Variants in PDE11A observed in about 807,000 individuals in gnomAD.
PDE11A encodes dual 3',5'-cyclic-AMP and -GMP phosphodiesterase 11A.
In PDE11A, 100 loss-of-function variants were observed where a neutral mutation model predicts 100.5. That is an observed-to-expected ratio of 1.00 (90% CI 0.85 to 1.18). The LOEUF is 1.18. Among genes scored for constraint, PDE11A ranks in the 50% most tolerant of loss-of-function variants. The pLI, the probability that PDE11A is intolerant of heterozygous loss-of-function variation, is 0.00. For synonymous variants in PDE11A, 381 were observed against 420.8 expected (o/e 0.91, Z 1.16); for missense variants, 1,141 against 1,152.6 (o/e 0.99, Z 0.15).
chr2:177,671,912 A>G (rs12994392), intron 17 of PDE11A, among the ~76,000 whole-genome samples: 87,659 of 151,730 alleles, frequency 0.58, 29,672 homozygotes, highest in Non-Finnish European at 0.72. Flanking sequence ...AGTCCTTGAC[A>G]TGCGTTTCAC....
chr2:177,941,453 C>G (rs1233762103), intron 2 of PDE11A, among the ~76,000 whole-genome samples: 1 of 152,062 alleles, frequency 6.6e-6, no homozygotes, highest in Non-Finnish European at 1.5e-5. Flanking sequence ...TGGATTGATT[C>G]AGGTGTAGAG....
At chr2:177,793,750 C>G (rs1294109244) in intron 9 of PDE11A, among the ~76,000 whole-genome samples, 3 of 152,056 alleles carry the variant, frequency 2.0e-5, no homozygotes, top group African/African-American at 2.4e-5. Flanking sequence ...GTACCTGGCT[C>G]CATCGCTCAC....
rs112022028 is a variant in PDE11A, at chr2:177,817,476, C to T, written c.1644+382G>A. On this transcript the variant is annotated intron_variant, in intron 8 of 19. Coordinates refer to ENST00000286063, the MANE Select transcript of PDE11A (RefSeq NM_016953.4). ...TCAAGGCTAGCTTCTCCAGCTAGAG[C>T]GCCTGGAGTGAATGCACGGAAGCGT... Among the ~76,000 whole-genome samples, 1,363 of 152,232 alleles carry T rather than the reference C, an allele frequency of 9.0e-3. 14 individuals carry two copies. Among genetic ancestry groups the T allele is most frequent in the East Asian group, 0.059 (305 of 5,178 alleles).
At chr2:178,093,986 A>G (rs1452009878) in intron 2 of PDE11A, among the ~76,000 whole-genome samples, 3 of 152,208 alleles carry the variant, frequency 2.0e-5, no homozygotes, top group Non-Finnish European at 4.4e-5. Flanking sequence ...ACGCTCAGGT[A>G]TATGTTATCG....
intron 7 of PDE11A, among the ~76,000 whole-genome samples, chr2:177,819,868 T>TCTCTCTCTCTCTCTC (rs60332687): frequency 7.9e-5 from 11 of 139,164 alleles, no homozygotes; most frequent in African/African-American, 2.5e-4. Flanking sequence ...CTTTCTCTCT[T>TCTCTCTCTCTCTCTC]TCTCTCTCTC....
chr2:177,769,464 T>C (rs2082282140), intron 9 of PDE11A, 91 bp from the exon 10 acceptor site: 1 of 741,810 alleles, frequency 1.3e-6, no homozygotes, highest in Non-Finnish European at 2.4e-6. Flanking sequence ...TTTGCTTATG[T>C]ATATCACCTT....
intron 12 of PDE11A, among the ~76,000 whole-genome samples, chr2:177,717,230 C>T (rs2081451945): frequency 6.6e-6 from 1 of 152,106 alleles, no homozygotes; most frequent in Non-Finnish European, 1.5e-5. Flanking sequence ...TTTAAAGCTG[C>T]CTGGTAAATG....
intron 4 of PDE11A, among the ~76,000 whole-genome samples, chr2:177,891,294 C>A (rs1405299780): frequency 6.6e-6 from 1 of 152,168 alleles, no homozygotes; most frequent in Non-Finnish European, 1.5e-5. Flanking sequence ...CAGAGCAAGA[C>A]TCCATCTCCA....
intron 1 of PDE11A, among the ~76,000 whole-genome samples, chr2:178,036,813 A>G (rs528422495): frequency 6.6e-6 from 1 of 152,330 alleles, no homozygotes; most frequent in East Asian, 1.9e-4. Flanking sequence ...AAAACTGGCT[A>G]GCCATATGCA....
intron 4 of PDE11A, among the ~76,000 whole-genome samples, chr2:177,889,041 T>C (rs1014901339): frequency 1.3e-5 from 2 of 152,212 alleles, no homozygotes; most frequent in African/African-American, 4.8e-5. Flanking sequence ...ATCACCTGCT[T>C]GGCTAGATTT....
At chr2:178,065,187 T>C (rs2087027773) in intron 1 of PDE11A, among the ~76,000 whole-genome samples, 1 of 152,192 alleles carries the variant, frequency 6.6e-6, no homozygotes, top group Non-Finnish European at 1.5e-5. Context: ...AATGTGGTTA[T>C]ATGGCAAAAT....
At chr2:178,069,223 G>C (rs2087091814) in intron 1 of PDE11A, among the ~76,000 whole-genome samples, 2 of 152,072 alleles carry the variant, frequency 1.3e-5, no homozygotes, top group African/African-American at 4.8e-5. Flanking sequence ...AATAATCTTT[G>C]CTAGGTAGGT....
intron 2 of PDE11A, among the ~76,000 whole-genome samples, chr2:177,999,064 G>A (rs1235991923): frequency 6.6e-6 from 1 of 152,216 alleles, no homozygotes; most frequent in Non-Finnish European, 1.5e-5. Context: ...CGCCCATCAT[G>A]TCCTGTGACT....
intron 5 of PDE11A, among the ~76,000 whole-genome samples, chr2:177,861,460 G>T (rs1007168715): frequency 6.6e-6 from 1 of 151,748 alleles, no homozygotes; most frequent in Non-Finnish European, 1.5e-5. Context: ...TTATATACAG[G>T]AGTTGGAATA....
intron 2 of PDE11A, among the ~76,000 whole-genome samples, chr2:177,906,884 T>C (rs1195195349): frequency 6.6e-6 from 1 of 152,218 alleles, no homozygotes; most frequent in African/African-American, 2.4e-5. Context: ...GGAGGTTTTG[T>C]TTTTGGCTCA....
intron 19 of PDE11A, among the ~76,000 whole-genome samples, chr2:177,661,490 C>T (rs942185416): frequency 6.6e-6 from 1 of 152,090 alleles, no homozygotes; most frequent in Non-Finnish European, 1.5e-5. Flanking sequence ...GAAGCACCAA[C>T]AGTTAATGTG....
At chr2:177,960,586 C>A (rs2085619453) in intron 2 of PDE11A, among the ~76,000 whole-genome samples, 1 of 151,262 alleles carries the variant, frequency 6.6e-6, no homozygotes, top group African/African-American at 2.4e-5. Context: ...AGAATTAAAG[C>A]AAACTATATA....
intron 4 of PDE11A, among the ~76,000 whole-genome samples, chr2:177,882,460 T>C (rs541749054): frequency 1.3e-5 from 2 of 152,228 alleles, no homozygotes; most frequent in Non-Finnish European, 2.9e-5. Context: ...GGACCAATTA[T>C]ATAATTCTTA....
intron 9 of PDE11A, among the ~76,000 whole-genome samples, chr2:177,811,744 T>C (rs933241948): frequency 1.3e-5 from 2 of 152,108 alleles, no homozygotes; most frequent in Admixed American, 6.6e-5. Context: ...TTTGTATTTC[T>C]ATGCCCTAGA....
Sources: allele counts gnomAD v4.1 joint callset (sites outside exome capture counted in the v4.1 genomes callset), GRCh38; gene constraint gnomAD v4.1.1; transcripts MANE v1.5; gene names NCBI Gene and HGNC (gene_info 2026-07-23, HGNC 2026-07-21).